Variants in PLA2G4A observed in about 807,000 individuals in gnomAD.
The protein encoded by PLA2G4A is phospholipase A2 group IVA, also known as cytosolic phospholipase A2.
A neutral mutation model predicts 81.9 loss-of-function variants in PLA2G4A; 40 were observed. The ratio of observed to expected loss-of-function variants is 0.49; its 90% confidence interval spans 0.38 to 0.64. The LOEUF is 0.64. PLA2G4A is among the 30% of genes least tolerant of loss of function. The pLI is 0.00. For synonymous variants in PLA2G4A, 302 were observed against 296.9 expected (o/e 1.02, Z -0.18); for missense variants, 715 against 905.1 (o/e 0.79, Z 2.69).
chr1:186,931,323 G>A (rs1252530378), intron 7 of PLA2G4A, among the ~76,000 whole-genome samples: 1 of 151,956 alleles, frequency 6.6e-6, no homozygotes, highest in Non-Finnish European at 1.5e-5. Context: ...TGCACTTGTA[G>A]AGTGTGCTTT....
chr1:186,830,319 T>G (rs868851553), intron 1 of PLA2G4A, among the ~76,000 whole-genome samples: 1 of 152,096 alleles, frequency 6.6e-6, no homozygotes, highest in Middle Eastern at 3.4e-3. Context: ...AAAAAGTAAG[T>G]TATTCTGGCT....
chr1:186,857,753 C>A (rs1159743669), intron 2 of PLA2G4A, among the ~76,000 whole-genome samples: 2 of 151,724 alleles, frequency 1.3e-5, no homozygotes. Flanking sequence ...CCTTCCCCAG[C>A]CCCCCACACC....
chr1:186,865,992 G>A (rs539824613), intron 2 of PLA2G4A, among the ~76,000 whole-genome samples: 16 of 152,222 alleles, frequency 1.1e-4, no homozygotes, highest in African/African-American at 3.1e-4. Flanking sequence ...TGACTAAGTC[G>A]GATTGAGCTT....
intron 4 of PLA2G4A, 145 bp from the exon 5 acceptor site, chr1:186,893,953 T>C: frequency 1.6e-6 from 1 of 631,416 alleles, no homozygotes; most frequent in Non-Finnish European, 2.8e-6. Context: ...ATAAAAGTAT[T>C]GTTACTAATT....
At chr1:186,829,235 C>G (rs993691024) in intron 1 of PLA2G4A, among the ~76,000 whole-genome samples, 200 bp downstream of exon 1, 3 of 152,300 alleles carry the variant, frequency 2.0e-5, no homozygotes, top group East Asian at 1.9e-4. Flanking sequence ...TTCAAACCCA[C>G]GCAGATTTGC....
chr1:186,979,027 AAC>A (rs1278968969), intron 16 of PLA2G4A, among the ~76,000 whole-genome samples: 2 of 152,178 alleles, frequency 1.3e-5, no homozygotes, highest in Non-Finnish European at 2.9e-5. Context: ...CTGCCTGGGG[AAC>A]AGTGTTATTT....
rs546794322 is a variant in PLA2G4A at position 186,988,816 on chromosome 1, A to T, written c.*308A>T. 7.4e-4 allele frequency: 169 copies of T among 228,706 alleles called. No individual in the cohort carries two copies. Among genetic ancestry groups the T allele is most frequent in the Middle Eastern group, 6.9e-3 (4 of 582 alleles). 14.2% of individuals were successfully genotyped at this position (228,706 alleles called of 1,614,324 possible). A position where few individuals can be genotyped will look rare whatever the true frequency, so the allele number is the denominator to read the frequency against. On this transcript the variant is annotated 3_prime_UTR_variant, in exon 18 of 18. Coordinates refer to ENST00000367466, the MANE Select transcript of PLA2G4A (RefSeq NM_024420.3). ...TTTCTTATGTGTGTTCTTTTTAAAA[A>T]TTTTTTTTCTTTTAAAATATTTAAC...
intron 2 of PLA2G4A, among the ~76,000 whole-genome samples, chr1:186,855,071 C>G (rs1261644826): frequency 6.6e-6 from 1 of 151,912 alleles, no homozygotes; most frequent in Non-Finnish European, 1.5e-5. Context: ...ACTCTGCATC[C>G]ATTTCTAGAT....
At chr1:186,912,021 A>G (rs957203814) in intron 7 of PLA2G4A, among the ~76,000 whole-genome samples, 4 of 152,148 alleles carry the variant, frequency 2.6e-5, no homozygotes, top group African/African-American at 9.7e-5. Context: ...TCAAGGACAG[A>G]GAGACAATTG....
intron 7 of PLA2G4A, among the ~76,000 whole-genome samples, chr1:186,926,320 G>A (rs1314624881): frequency 1.3e-5 from 2 of 151,942 alleles, no homozygotes; most frequent in African/African-American, 2.4e-5. Flanking sequence ...TTTTTCTCTG[G>A]GCTATCCTTC....
intron 1 of PLA2G4A, among the ~76,000 whole-genome samples, chr1:186,846,052 A>G (rs1652161901): frequency 6.6e-6 from 1 of 152,214 alleles, no homozygotes; most frequent in African/African-American, 2.4e-5. Flanking sequence ...AAACCCTGCT[A>G]TTTTATGAGT....
At chr1:186,920,146 G>T (rs1452436350) in intron 7 of PLA2G4A, among the ~76,000 whole-genome samples, 3 of 152,132 alleles carry the variant, frequency 2.0e-5, no homozygotes, top group African/African-American at 7.2e-5. Context: ...GTTAGAAAAA[G>T]TCCCCTTTCT....
intron 1 of PLA2G4A, among the ~76,000 whole-genome samples, chr1:186,836,811 G>A (rs1651793934): frequency 6.6e-6 from 1 of 152,212 alleles, no homozygotes; most frequent in South Asian, 2.1e-4. Context: ...AGTGGAGACA[G>A]ATAATAAGTA....
chr1:186,907,108 T>G, intron 6 of PLA2G4A, 106 bp downstream of exon 6: 1 of 682,320 alleles, frequency 1.5e-6, no homozygotes, highest in South Asian at 1.7e-5. Flanking sequence ...TGTGAACATA[T>G]AGAAGTGCAT....
At chr1:186,932,151 A>G (rs1655768103) in intron 7 of PLA2G4A, among the ~76,000 whole-genome samples, 1 of 152,238 alleles carries the variant, frequency 6.6e-6, no homozygotes, top group African/African-American at 2.4e-5. Flanking sequence ...CCCTGAAAGC[A>G]AGCCAAAAAT....
intron 6 of PLA2G4A, among the ~76,000 whole-genome samples, chr1:186,910,971 T>A (rs1654916989): frequency 6.6e-6 from 1 of 152,238 alleles, no homozygotes; most frequent in Non-Finnish European, 1.5e-5. Context: ...TCCAAGTCTT[T>A]GTTATAATAT....
chr1:186,845,590 G>A (rs1312583202), intron 1 of PLA2G4A, among the ~76,000 whole-genome samples: 1 of 152,028 alleles, frequency 6.6e-6, no homozygotes, highest in Non-Finnish European at 1.5e-5. Flanking sequence ...TGAGTTGGAG[G>A]GAAAGAGAAA....
chr1:186,965,738 GGTTC>G lies in PLA2G4A; in HGVS notation c.1764+146_1764+149del. The G allele has an allele frequency of 9.9e-6, 7 of 710,578 alleles. 1 individual carries two copies. Among genetic ancestry groups the G allele is most frequent in the South Asian group, 9.2e-5 (6 of 65,530 alleles). The allele number at this position is 710,578 out of a possible 1,614,324, so 44.0% of individuals were successfully genotyped here. ...AGTAATAGTTCTAAAACGCAAACAT[GGTTC>G]AATCAGTCTCCTGCTTAAAGACACT... is the stretch of plus-strand genomic sequence containing the variant. On this transcript the variant is annotated intron_variant, in intron 15 of 17. Coordinates refer to ENST00000367466, the MANE Select transcript of PLA2G4A (RefSeq NM_024420.3).
At chr1:186,939,399 T>C (rs545842627) in intron 9 of PLA2G4A, among the ~76,000 whole-genome samples, 169 bp downstream of exon 9, 1 of 152,120 alleles carries the variant, frequency 6.6e-6, no homozygotes, top group African/African-American at 2.4e-5. Flanking sequence ...AGATTATAAT[T>C]CTTCTACCTT....
Sources: allele counts gnomAD v4.1 joint callset (sites outside exome capture counted in the v4.1 genomes callset), GRCh38; gene constraint gnomAD v4.1.1; transcripts MANE v1.5; gene names NCBI Gene and HGNC (gene_info 2026-07-23, HGNC 2026-07-21).